STARD13: variants seen among roughly 807,000 people sequenced by gnomAD.
STARD13 encodes the protein StAR related lipid transfer domain containing 13.
In STARD13, 62 loss-of-function variants were observed where a neutral mutation model predicts 106.4. That is an observed-to-expected ratio of 0.58 (90% CI 0.48 to 0.72). The LOEUF is 0.72. STARD13 is among the 30% of genes least tolerant of loss of function. STARD13 has a pLI of 0.00. For missense variants in STARD13, 1,387 were observed against 1,424.0 expected (o/e 0.97, Z 0.42); for synonymous variants, 565 against 553.0 (o/e 1.02, Z -0.31).
intron 1 of STARD13, among the ~76,000 whole-genome samples, chr13:33,255,644 GA>G (rs1400930437): frequency 5.3e-5 from 8 of 152,102 alleles, no homozygotes; most frequent in Admixed American, 5.2e-4. Flanking sequence ...AAATCAGACT[GA>G]ACCAGAGTGA....
chr13:33,129,071 A>C lies in STARD13; in HGVS notation c.1606T>G (p.Phe536Val), dbSNP rs1417733159. The C allele has an allele frequency of 1.9e-6, 3 of 1,613,902 alleles. No individual in the cohort carries two copies. Among genetic ancestry groups the C allele is most frequent in the African/African-American group, 2.7e-5 (2 of 74,852 alleles). ...CCTTCTGAGACAGAGTTACCTTCAA[A>C]ATCTAAGGTGATCTGATTAGGAGAT... ...FPSPNQITLDFEGNSVSEGRT... is the reference protein window; with the variant it reads ...FPSPNQITLDVEGNSVSEGRT... Residue 536 changes from phenylalanine to valine, a missense_variant, in exon 5 of 14, where the codon TTT becomes GTT. Coordinates refer to ENST00000336934, the MANE Select transcript of STARD13 (RefSeq NM_178006.4).
Position 33,110,839 on chromosome 13 carries a change from C to A in STARD13, c.2676G>T (p.Leu892=). The change falls in exon 11 of 14, where the codon CTG becomes CTT. Residue 892 remains leucine (L), a synonymous_variant. Coordinates refer to ENST00000336934, the MANE Select transcript of STARD13 (RefSeq NM_178006.4). ...CCTCCAGCTGTGTCCCCAATTCTTC[C>A]AGGGTTGGCACGTGGATCTCAGCCT... ...YVEAEIHVPT[L]EELGTQLEES... 6.2e-7 allele frequency: 1 copy of A among 1,614,104 alleles called. No homozygotes were observed. Among genetic ancestry groups the A allele is most frequent in the Non-Finnish European group, 8.5e-7 (1 of 1,180,038 alleles).
chr13:33,355,759 G>A, the STARD13 span: 1 of 152,188 alleles, frequency 6.6e-6, no homozygotes. Context: ...TTTTCAAGCT[G>A]GGTCCTTGGA....
chr13:33,623,302 TAAA>T, the STARD13 span, among the ~76,000 whole-genome samples: 3 of 151,714 alleles, frequency 2.0e-5, no homozygotes, highest in Non-Finnish European at 4.4e-5. Flanking sequence ...ACATAAAACT[TAAA>T]ACCACAAATT....
At chr13:33,392,893 A>G in the STARD13 span, among the ~76,000 whole-genome samples, 1 of 152,244 alleles carries the variant, frequency 6.6e-6, no homozygotes, top group African/African-American at 2.4e-5. Flanking sequence ...GGCATGAAAA[A>G]TATAGGATAG....
At chr13:33,537,482 A>C in the STARD13 span, among the ~76,000 whole-genome samples, 1 of 152,214 alleles carries the variant, frequency 6.6e-6, no homozygotes, top group Admixed American at 6.5e-5. Context: ...ACTTTAGGGA[A>C]ACTGAGGCTC....
At position 33,220,374 on chromosome 13, in the gene STARD13, G is replaced by A. The variant is rs536328693; in HGVS notation, c.170-52752C>T. Among the ~76,000 whole-genome samples the A allele has an allele frequency of 1.5e-4, 23 of 152,262 alleles. No homozygotes were observed. In the South Asian group the frequency reaches 4.8e-3, roughly 32 times the overall value. On this transcript the variant is annotated intron_variant, in intron 1 of 13. Transcript: ENST00000336934. ...TGTAGACAATGAATATTAGCTATAA[G>A]GGTGAAGATGATCCCTTATAAAAAT...
chr13:33,569,591 G>GA, the STARD13 span, among the ~76,000 whole-genome samples: 1 of 147,456 alleles, frequency 6.8e-6, no homozygotes, highest in East Asian at 2.0e-4. Context: ...TGAGCAGAAA[G>GA]AAATCTTCTG....
chr13:33,486,719 C>G, the STARD13 span, among the ~76,000 whole-genome samples: 9 of 152,170 alleles, frequency 5.9e-5, no homozygotes, highest in African/African-American at 2.2e-4. Flanking sequence ...ATTCCTCTCC[C>G]CTAACAACTC....
intron 2 of STARD13, among the ~76,000 whole-genome samples, chr13:33,167,046 C>T (rs1347953232): frequency 6.6e-6 from 1 of 150,790 alleles, no homozygotes; most frequent in Non-Finnish European, 1.5e-5. Flanking sequence ...AAGTGTAATG[C>T]TAGCAATAAG....
chr13:33,255,166 C>T (rs1383863438), intron 1 of STARD13, among the ~76,000 whole-genome samples: 1 of 151,846 alleles, frequency 6.6e-6, no homozygotes, highest in East Asian at 1.9e-4. Context: ...TGTTGCACAT[C>T]CTACGAGGGG....
intron 1 of STARD13, among the ~76,000 whole-genome samples, chr13:33,210,038 G>C (rs761999094): frequency 4.6e-5 from 7 of 152,178 alleles, no homozygotes; most frequent in Non-Finnish European, 1.0e-4. Context: ...TGGGTGTGCA[G>C]CTTCAACAGC....
chr13:33,543,924 A>G, the STARD13 span, among the ~76,000 whole-genome samples: 1 of 152,248 alleles, frequency 6.6e-6, no homozygotes, highest in African/African-American at 2.4e-5. Context: ...ACAAGTTAGT[A>G]GTCCTTTTGA....
chr13:33,112,486 C>A (rs910952229), intron 9 of STARD13, among the ~76,000 whole-genome samples: 4 of 152,144 alleles, frequency 2.6e-5, no homozygotes, highest in African/African-American at 9.7e-5. Context: ...CTCTCTTTAT[C>A]ATCTACCATC....
intron 1 of STARD13, among the ~76,000 whole-genome samples, chr13:33,273,091 T>A (rs1031984095): frequency 7.9e-5 from 12 of 152,238 alleles, no homozygotes; most frequent in Non-Finnish European, 1.3e-4. Context: ...AAAACTCGAT[T>A]CCAAAGGAAT....
intron 1 of STARD13, among the ~76,000 whole-genome samples, chr13:33,241,837 CAG>C (rs1418283620): frequency 6.6e-6 from 1 of 152,204 alleles, no homozygotes; most frequent in Non-Finnish European, 1.5e-5. Flanking sequence ...CGCGCTCACT[CAG>C]TGCTCAATGT....
the STARD13 span, among the ~76,000 whole-genome samples, chr13:33,409,728 C>T: frequency 6.6e-6 from 1 of 152,158 alleles, no homozygotes; most frequent in Non-Finnish European, 1.5e-5. Context: ...TAGCCTAGTA[C>T]CTGCCTGACC....
the STARD13 span, among the ~76,000 whole-genome samples, chr13:33,646,197 T>C: frequency 6.6e-6 from 1 of 152,202 alleles, no homozygotes; most frequent in Admixed American, 6.5e-5. Context: ...TTTCATTAAA[T>C]AACTACACTG....
intron 1 of STARD13, among the ~76,000 whole-genome samples, chr13:33,177,981 G>GAAGT: frequency 3.9e-4 from 6 of 15,260 alleles, no homozygotes; most frequent in African/African-American, 2.8e-3. Context: ...AGGAAGGAAG[G>GAAGT]AAGGAAAGGA....
Sources: gnomAD v4.1 joint callset for allele counts (sites outside exome capture counted in the v4.1 genomes callset) on GRCh38, gnomAD v4.1.1 for gene constraint, MANE v1.5 for transcripts, NCBI Gene and HGNC (gene_info 2026-07-23, HGNC 2026-07-21) for gene names.